Variants in NKAIN3 observed in about 807,000 individuals in gnomAD.
NKAIN3 encodes sodium/potassium-transporting ATPase subunit beta-1-interacting protein 3.
NKAIN3 carries 25 observed loss-of-function variants against 30.2 expected under a neutral mutation model. The ratio of observed to expected loss-of-function variants is 0.83; its 90% CI spans 0.60 to 1.16. NKAIN3 has a LOEUF of 1.16. Among genes scored for constraint, NKAIN3 ranks in the 50% most tolerant of loss-of-function variants. The pLI is 0.00. For synonymous variants in NKAIN3, 91 were observed against 89.6 expected (o/e 1.02, Z -0.09); for missense variants, 225 against 254.1 (o/e 0.89, Z 0.78).
At chr8:62,427,657 C>A (rs1025380710) in intron 1 of NKAIN3, among the ~76,000 whole-genome samples, 2 of 151,810 alleles carry the variant, frequency 1.3e-5, no homozygotes, top group African/African-American at 4.8e-5. Flanking sequence ...TTTTCTGTGG[C>A]ATTTTCAAGA....
At chr8:62,928,680 T>C (rs1000508669) in intron 5 of NKAIN3, among the ~76,000 whole-genome samples, 5 of 152,256 alleles carry the variant, frequency 3.3e-5, no homozygotes, top group African/African-American at 1.2e-4. Context: ...TGATTCTTCA[T>C]GTTCTTATCC....
chr8:62,316,586 T>C (rs959286397), intron 1 of NKAIN3, among the ~76,000 whole-genome samples: 7 of 152,180 alleles, frequency 4.6e-5, no homozygotes, highest in African/African-American at 1.4e-4. Flanking sequence ...GCTTCATCCC[T>C]ATCTCTACAA....
chr8:62,852,020 A>G (rs573576227), intron 4 of NKAIN3, among the ~76,000 whole-genome samples: 1 of 120,642 alleles, frequency 8.3e-6, no homozygotes, highest in Non-Finnish European at 1.8e-5. Flanking sequence ...GGAATAGTTT[A>G]GAAGGAAAGG....
intron 3 of NKAIN3, among the ~76,000 whole-genome samples, chr8:62,637,381 C>T (rs1211646333): frequency 6.6e-6 from 1 of 152,152 alleles, no homozygotes; most frequent in Non-Finnish European, 1.5e-5. Flanking sequence ...GGTGGTTTTG[C>T]TCTTTTCTGG....
At chr8:62,278,542 T>C in intron 1 of NKAIN3, among the ~76,000 whole-genome samples, 1 of 151,594 alleles carries the variant, frequency 6.6e-6, no homozygotes, top group Non-Finnish European at 1.5e-5. Flanking sequence ...CCCGACCCCA[T>C]GACAGGCCCC....
At position 62,634,007 on chromosome 8, in the gene NKAIN3, G is replaced by T. The variant is rs532684255; in HGVS notation, c.273+44213G>T. 8.3e-4 allele frequency among the ~76,000 whole-genome samples: 126 copies of T among 152,226 alleles called. 1 individual carries two copies. Among genetic ancestry groups the T allele is most frequent in the African/African-American group, 3.0e-3 (124 of 41,534 alleles). On this transcript the variant is annotated intron_variant, in intron 3 of 6. Transcript: ENST00000623646. ...AACACAAACAAAAAATAGGGTGAAT[G>T]TAGGCATGTATGCTCAATTTAACTG...
At chr8:62,937,272 G>A (rs1822813291) in intron 5 of NKAIN3, among the ~76,000 whole-genome samples, 1 of 152,112 alleles carries the variant, frequency 6.6e-6, no homozygotes, top group Non-Finnish European at 1.5e-5. Flanking sequence ...GAACATATCA[G>A]GAAAACTGAA....
chr8:62,494,372 T>G (rs1280945930), intron 1 of NKAIN3, among the ~76,000 whole-genome samples: 1 of 152,178 alleles, frequency 6.6e-6, no homozygotes, highest in African/African-American at 2.4e-5. Context: ...GGACAAAGCC[T>G]ACTTGATCAT....
chr8:62,613,358 TG>T (rs1811350741), intron 3 of NKAIN3, among the ~76,000 whole-genome samples: 1 of 152,196 alleles, frequency 6.6e-6, no homozygotes, highest in Non-Finnish European at 1.5e-5. Context: ...TCTACTAGCC[TG>T]TAAGGTTTTC....
chr8:62,415,182 T>TTA, intron 1 of NKAIN3, among the ~76,000 whole-genome samples: 1 of 142,290 alleles, frequency 7.0e-6, no homozygotes, highest in East Asian at 2.0e-4. Flanking sequence ...ATATATTATA[T>TTA]TACAATATAC....
intron 1 of NKAIN3, among the ~76,000 whole-genome samples, chr8:62,319,342 T>C (rs1241377969): frequency 6.6e-6 from 1 of 152,206 alleles, no homozygotes; most frequent in African/African-American, 2.4e-5. Context: ...TCATTTCTGC[T>C]CTGATCTTAG....
At chr8:62,527,544 C>G (rs115022320) in intron 1 of NKAIN3, among the ~76,000 whole-genome samples, 2 of 151,928 alleles carry the variant, frequency 1.3e-5, no homozygotes, top group African/African-American at 4.8e-5. Context: ...GCACACATTC[C>G]GATATAATTA....
chr8:62,697,862 C>T (rs1173186630), intron 3 of NKAIN3, among the ~76,000 whole-genome samples: 1 of 152,018 alleles, frequency 6.6e-6, no homozygotes, highest in Non-Finnish European at 1.5e-5. Flanking sequence ...AGTTGCCATT[C>T]CTGAAAAATT....
In NKAIN3 at chr8:62,912,119, T is replaced by C. The variant is rs538293579; in HGVS notation, c.472-6334T>C. Among the ~76,000 whole-genome samples, 10 of 152,358 alleles carry C rather than the reference T, an allele frequency of 6.6e-5. No individual in the cohort carries two copies. In the East Asian group the frequency reaches 1.9e-3, roughly 29 times the overall value. ...CTACAAACCTCTATAGCACTGTTAC[T>C]GTACTGAATACTATAGGCAATTGTA... On this transcript the variant is annotated intron_variant, in intron 4 of 6. Coordinates refer to ENST00000623646, the MANE Select transcript of NKAIN3 (RefSeq NM_001304533.3).
chr8:62,649,228 A>G (rs1379609073), intron 3 of NKAIN3, among the ~76,000 whole-genome samples: 5 of 152,194 alleles, frequency 3.3e-5, no homozygotes, highest in Non-Finnish European at 7.4e-5. Flanking sequence ...CTGTGATTCT[A>G]GTAAGGTACT....
chr8:62,941,806 A>G lies in NKAIN3; in HGVS notation c.533-12096A>G, dbSNP rs538753146. Reference sequence around the variant, plus strand: ...CTATGACAAACCCACAGCCAACACTATACTTACTGGGGAAATGTTGAAAGC... The same window carrying G: ...CTATGACAAACCCACAGCCAACACTGTACTTACTGGGGAAATGTTGAAAGC... On this transcript the variant is annotated intron_variant, in intron 5 of 6. Transcript: ENST00000623646. Among the ~76,000 whole-genome samples, 7 of 152,250 alleles carry G rather than the reference A, an allele frequency of 4.6e-5. No homozygotes were observed. The South Asian group carries it at 1.2e-3, about 27-fold the overall frequency.
chr8:62,580,272 A>G (rs1046540035), intron 2 of NKAIN3, among the ~76,000 whole-genome samples: 3 of 152,172 alleles, frequency 2.0e-5, no homozygotes, highest in African/African-American at 7.2e-5. Context: ...CACACACTCC[A>G]TTATAGGACA....
chr8:62,802,488 C>A (rs550623884), intron 4 of NKAIN3, among the ~76,000 whole-genome samples: 3 of 152,186 alleles, frequency 2.0e-5, no homozygotes, highest in Non-Finnish European at 2.9e-5. Flanking sequence ...GAATTTTCAA[C>A]CCAGAATTTC....
chr8:62,396,848 G>A (rs1157904584), intron 1 of NKAIN3, among the ~76,000 whole-genome samples: 2 of 152,126 alleles, frequency 1.3e-5, no homozygotes, highest in African/African-American at 4.8e-5. Context: ...AGGTTATAAC[G>A]ACTTACTTTG....
Sources: gnomAD v4.1 joint callset for allele counts (sites outside exome capture counted in the v4.1 genomes callset) on GRCh38, gnomAD v4.1.1 for gene constraint, MANE v1.5 for transcripts, NCBI Gene and HGNC (gene_info 2026-07-23, HGNC 2026-07-21) for gene names.